The following RAI2 variants were observed in gnomAD, a reference collection of about 807,000 sequenced individuals.
The protein encoded by RAI2 is retinoic acid induced 2.
A neutral mutation model predicts 15.3 loss-of-function variants in RAI2; 5 were observed. The observed-to-expected ratio is 0.33, with a 90% CI of 0.17 to 0.69. The LOEUF (loss-of-function observed/expected upper bound fraction) is 0.69. Among genes scored for constraint, RAI2 ranks in the 30% least tolerant of loss-of-function variants. The pLI is 0.69. For missense variants in RAI2, 424 were observed against 424.7 expected (o/e 1.00, Z 0.01); for synonymous variants, 191 against 184.0 (o/e 1.04, Z -0.31).
At chrX:17,848,204 G>C in intron 1 of RAI2, among the ~76,000 whole-genome samples, 1 of 108,573 alleles carries the variant, frequency 9.2e-6, no homozygotes, top group East Asian at 2.9e-4. Flanking sequence ...TTTAGGAAGT[G>C]CTGCCTGGCT....
intron 1 of RAI2, among the ~76,000 whole-genome samples, chrX:17,855,994 T>A (rs955819921): frequency 5.4e-5 from 6 of 112,016 alleles, no homozygotes; most frequent in Non-Finnish European, 1.1e-4. Context: ...GTGGCTAGTG[T>A]GTGGGACAGT....
chrX:17,823,405 G>A (rs5955907), intron 1 of RAI2, among the ~76,000 whole-genome samples: 2,064 of 112,124 alleles, frequency 0.018, 43 homozygotes, highest in African/African-American at 0.062. Flanking sequence ...AAGAGGGATG[G>A]TTTTTCTTCT....
At chrX:17,860,239 C>A (rs1218376646) in intron 1 of RAI2, among the ~76,000 whole-genome samples, 1 of 112,400 alleles carries the variant, frequency 8.9e-6, no homozygotes, top group Non-Finnish European at 1.9e-5. Flanking sequence ...GATGCCATTT[C>A]CCCACCCAGG....
intron 1 of RAI2, among the ~76,000 whole-genome samples, chrX:17,802,666 A>C (rs775631595): frequency 1.3e-4 from 15 of 111,649 alleles, no homozygotes; most frequent in Non-Finnish European, 2.4e-4. Flanking sequence ...ATCGATGATG[A>C]CTTGCATGAA....
chrX:17,804,965 C>G (rs1313665201), intron 1 of RAI2, among the ~76,000 whole-genome samples: 1 of 113,068 alleles, frequency 8.8e-6, no homozygotes. Context: ...GGCCCCTGTT[C>G]CTCCCATGGA....
chrX:17,846,493 G>A (rs974566021), intron 1 of RAI2, among the ~76,000 whole-genome samples: 1 of 112,221 alleles, frequency 8.9e-6, no homozygotes, highest in African/African-American at 3.2e-5. Flanking sequence ...TATTTGTGAA[G>A]TGCATTTAAA....
intron 1 of RAI2, among the ~76,000 whole-genome samples, chrX:17,815,292 C>T (rs996525571): frequency 3.8e-5 from 4 of 104,436 alleles, no homozygotes; most frequent in Non-Finnish European, 5.8e-5. Flanking sequence ...TTCCAGAATG[C>T]ATGTGTTTGC....
At chrX:17,822,871 G>A (rs1369691491) in intron 1 of RAI2, among the ~76,000 whole-genome samples, 1 of 112,464 alleles carries the variant, frequency 8.9e-6, no homozygotes, top group Non-Finnish European at 1.9e-5. Context: ...AGTGACTCAA[G>A]CTGTTGAATG....
intron 1 of RAI2, among the ~76,000 whole-genome samples, chrX:17,848,470 C>G (rs1232531301): frequency 9.3e-6 from 1 of 107,228 alleles, no homozygotes; most frequent in Non-Finnish European, 1.9e-5. Flanking sequence ...GTAACCTCAA[C>G]TACTTCTTTC....
intron 1 of RAI2, among the ~76,000 whole-genome samples, chrX:17,832,307 A>C (rs1171054778): frequency 9.0e-6 from 1 of 111,693 alleles, no homozygotes; most frequent in Non-Finnish European, 1.9e-5. Flanking sequence ...GGGAAGGTTT[A>C]AACAACTGAT....
chrX:17,821,078 CT>C (rs1475738167), intron 1 of RAI2, among the ~76,000 whole-genome samples: 2 of 111,480 alleles, frequency 1.8e-5, no homozygotes, highest in East Asian at 5.6e-4. Flanking sequence ...AATTAGCATT[CT>C]TTTTTTCTTT....
chrX:17,856,266 G>A (rs1375724438), intron 1 of RAI2, among the ~76,000 whole-genome samples: 2 of 112,151 alleles, frequency 1.8e-5, no homozygotes, highest in Admixed American at 9.4e-5. Flanking sequence ...TAGTCTGAAT[G>A]TGTCTGTCCC....
chrX:17,838,288 C>T (rs1363876328), intron 1 of RAI2, among the ~76,000 whole-genome samples: 1 of 112,204 alleles, frequency 8.9e-6, no homozygotes, highest in Non-Finnish European at 1.9e-5. Flanking sequence ...AACCCATCAG[C>T]ACATAAGATT....
chrX:17,825,856 CT>C (rs1224663904), intron 1 of RAI2, among the ~76,000 whole-genome samples: 1 of 112,373 alleles, frequency 8.9e-6, no homozygotes, highest in African/African-American at 3.2e-5. Context: ...ACCATATGTT[CT>C]AAAACCAAAA....
chrX:17,806,608 GC>G lies in RAI2; in HGVS notation c.-24-4575del, dbSNP rs34297910. ...GGAGACAGTGGGGAAAAGACTCAGG[GC>G]CCAGGACAGATGAGGAGGTAGGGAG... On this transcript the variant is annotated intron_variant, in intron 1 of 1. Transcript: ENST00000451717. Among the ~76,000 whole-genome samples, 629 of 111,445 alleles carry G rather than the reference GC, an allele frequency of 5.6e-3. 9 individuals carry two copies. Among genetic ancestry groups the G allele is most frequent in the Admixed American group, 0.039 (405 of 10,484 alleles).
intron 1 of RAI2, among the ~76,000 whole-genome samples, chrX:17,806,449 C>T (rs1360122750): frequency 2.7e-5 from 3 of 112,141 alleles, no homozygotes; most frequent in Non-Finnish European, 5.6e-5. Context: ...GGTCAGTAAA[C>T]AGTGGCAGTG....
intron 1 of RAI2, among the ~76,000 whole-genome samples, chrX:17,818,894 G>A (rs2067133935): frequency 8.8e-6 from 1 of 113,158 alleles, no homozygotes; most frequent in Non-Finnish European, 1.9e-5. Context: ...CTCACGGGCT[G>A]TTCTGTGCCT....
chrX:17,847,260 G>C (rs73447862), intron 1 of RAI2, among the ~76,000 whole-genome samples: 1,986 of 112,005 alleles, frequency 0.018, 39 homozygotes, highest in African/African-American at 0.059. Context: ...CTCTACTTCG[G>C]TTCTTCCTTG....
At chrX:17,812,256 G>T (rs1254689081) in intron 1 of RAI2, among the ~76,000 whole-genome samples, 2 of 111,412 alleles carry the variant, frequency 1.8e-5, no homozygotes, top group Non-Finnish European at 3.8e-5. Context: ...CACCTGAATG[G>T]CTTTATTCAT....
Sources: gnomAD v4.1 joint callset for allele counts (sites outside exome capture counted in the v4.1 genomes callset) on GRCh38, gnomAD v4.1.1 for gene constraint, MANE v1.5 for transcripts, NCBI Gene and HGNC (gene_info 2026-07-23, HGNC 2026-07-21) for gene names.